TSHR: variants seen among roughly 807,000 people sequenced by gnomAD.
TSHR encodes the protein thyroid stimulating hormone receptor.
In TSHR, 51 loss-of-function variants were observed where a neutral mutation model predicts 64.1. The ratio of observed to expected loss-of-function variants is 0.80; its 90% CI spans 0.64 to 1.01. The LOEUF (loss-of-function observed/expected upper bound fraction) is 1.01. TSHR is among the 50% of genes least tolerant of loss of function. The pLI is 0.00. For synonymous variants in TSHR, 361 were observed against 361.9 expected, an observed-to-expected ratio of 1.00 and a Z score of 0.03; for missense variants, 877 against 942.8, an observed-to-expected ratio of 0.93 and a Z score of 0.91.
chr14:81,031,412 T>C (rs1420333537), intron 1 of TSHR, among the ~76,000 whole-genome samples: 1 of 139,662 alleles, frequency 7.2e-6, no homozygotes, highest in Non-Finnish European at 1.6e-5. Context: ...ATTTGAGGCA[T>C]GGTAAAAAAA....
At chr14:81,102,838 T>G (rs1889672470) in intron 7 of TSHR, 1 of 985,226 alleles carries the variant, frequency 1.0e-6, no homozygotes. Flanking sequence ...TGGTAAAGGT[T>G]AAAGGGCAAG....
chr14:81,079,884 A>C (rs1356858203), intron 3 of TSHR, among the ~76,000 whole-genome samples: 3 of 151,870 alleles, frequency 2.0e-5, no homozygotes, highest in Non-Finnish European at 1.5e-5. Context: ...AAAGCAAAGA[A>C]AAAGAAGTGC....
chr14:80,981,564 A>G (rs1032541450), intron 1 of TSHR, among the ~76,000 whole-genome samples: 14 of 152,112 alleles, frequency 9.2e-5, no homozygotes, highest in African/African-American at 3.4e-4. Context: ...GACCCTTGCT[A>G]TGTGAGCAGG....
At chr14:81,033,004 G>A (rs1467361289) in intron 1 of TSHR, 2 of 360,908 alleles carry the variant, frequency 5.5e-6, no homozygotes, top group Non-Finnish European at 1.1e-5. Context: ...GCTGTGTGGG[G>A]CAGATTTACT....
chr14:80,956,459 A>G (rs1256060816), intron 1 of TSHR, among the ~76,000 whole-genome samples: 1 of 152,260 alleles, frequency 6.6e-6, no homozygotes, highest in Non-Finnish European at 1.5e-5. Context: ...ATGAAATTTC[A>G]TAAAAGTATA....
intron 1 of TSHR, among the ~76,000 whole-genome samples, chr14:81,002,781 C>CTTT (rs1174635270): frequency 6.8e-5 from 3 of 44,320 alleles, no homozygotes; most frequent in Non-Finnish European, 1.2e-4. Context: ...CCTAATGCCT[C>CTTT]TTTTTTTTTT....
intron 7 of TSHR, chr14:81,102,723 G>A (rs1889664107): frequency 1.1e-6 from 1 of 884,588 alleles, no homozygotes; most frequent in Non-Finnish European, 1.4e-6. Context: ...ACAAGGGCAA[G>A]GTAGGATTTG....
chr14:81,008,049 A>G (rs1452461683), intron 1 of TSHR, among the ~76,000 whole-genome samples: 5 of 152,168 alleles, frequency 3.3e-5, no homozygotes, highest in Admixed American at 2.6e-4. Context: ...GAGTAGGGGT[A>G]TGTCTATTCT....
chr14:81,087,291 TGA>T (rs1362551534), intron 3 of TSHR, among the ~76,000 whole-genome samples: 1 of 152,228 alleles, frequency 6.6e-6, no homozygotes, highest in Non-Finnish European at 1.5e-5. Context: ...ATTTAACCAG[TGA>T]GAGTTCATTT....
chr14:80,989,135 C>G (rs1297973782), intron 1 of TSHR, among the ~76,000 whole-genome samples: 1 of 152,168 alleles, frequency 6.6e-6, no homozygotes, highest in Non-Finnish European at 1.5e-5. Flanking sequence ...ATCATTGACT[C>G]TTCCTCTGCC....
intron 2 of TSHR, 47 bp downstream of exon 2, chr14:81,062,266 T>G (rs1404729135): frequency 1.4e-6 from 2 of 1,423,980 alleles, no homozygotes; most frequent in South Asian, 2.3e-5. Context: ...TGATATGTTA[T>G]TCTCTAAACG....
intron 1 of TSHR, among the ~76,000 whole-genome samples, chr14:81,009,773 T>C (rs1889809310): frequency 6.6e-6 from 1 of 152,106 alleles, no homozygotes; most frequent in Admixed American, 6.6e-5. Context: ...TGTTTATCCA[T>C]TTCCCCTATG....
Position 80,955,805 on chromosome 14 carries a change from A to G in TSHR, c.125A>G (p.Lys42Arg). 6.2e-7 allele frequency: 1 copy of G among 1,614,208 alleles called. No individual in the cohort carries two copies. Among genetic ancestry groups the G allele is most frequent in the Non-Finnish European group, 8.5e-7 (1 of 1,180,042 alleles). ...GAGGAGGACTTCAGAGTCACCTGCAAGGATATTCAACGCATCCCCAGCTTA... is the reference window on the plus strand; with the variant it reads ...GAGGAGGACTTCAGAGTCACCTGCAGGGATATTCAACGCATCCCCAGCTTA... ...HQEEDFRVTC[K>R]DIQRIPSLPP... Residue 42 changes from lysine to arginine, a missense_variant, in exon 1 of 10, where the codon AAG becomes AGG. Transcript: ENST00000298171.
At chr14:81,057,542 A>C (rs10134487) in intron 1 of TSHR, among the ~76,000 whole-genome samples, 65,364 of 152,146 alleles carry the variant, frequency 0.43, 18,528 homozygotes, top group African/African-American at 0.82. Context: ...TATAAAAAAT[A>C]TGGATTATTT....
intron 3 of TSHR, among the ~76,000 whole-genome samples, chr14:81,077,046 C>G (rs558760587): frequency 6.6e-6 from 1 of 151,948 alleles, no homozygotes; most frequent in African/African-American, 2.4e-5. Flanking sequence ...TCTCTCTTTG[C>G]CTAGTTAACT....
Position 80,955,833 on chromosome 14 carries a change from G to A in TSHR, c.153G>A (p.Pro51=), listed in dbSNP as rs777358636. ...ATATTCAACGCATCCCCAGCTTACC[G>A]CCCAGTACGCAGACTCTGTGAGTAC... ...CKDIQRIPSL[P]PSTQTLKLIE... is the part of the protein sequence containing the mutation. The change falls in exon 1 of 10, where the codon CCG becomes CCA. Residue 51 remains proline (P), a synonymous_variant. Transcript: ENST00000298171. The A allele has an allele frequency of 5.0e-6, 8 of 1,614,184 alleles. No individual in the cohort carries two copies. The South Asian group carries it at 8.8e-5, about 18-fold the overall frequency.
intron 3 of TSHR, among the ~76,000 whole-genome samples, chr14:81,071,217 T>A (rs1887044826): frequency 6.6e-6 from 1 of 152,190 alleles, no homozygotes; most frequent in South Asian, 2.1e-4. Context: ...AAACTAATAT[T>A]TCACATACTG....
At chr14:81,080,254 T>A (rs1887805703) in intron 3 of TSHR, among the ~76,000 whole-genome samples, 1 of 152,116 alleles carries the variant, frequency 6.6e-6, no homozygotes, top group Non-Finnish European at 1.5e-5. Flanking sequence ...ACCTGGCCTA[T>A]GTGAGTTTTT....
intron 1 of TSHR, among the ~76,000 whole-genome samples, chr14:80,957,214 C>G (rs1886741226): frequency 6.6e-6 from 1 of 152,174 alleles, no homozygotes; most frequent in African/African-American, 2.4e-5. Context: ...ACTCCCAGAT[C>G]CAGATCCTGG....
Sources: gnomAD v4.1 joint callset for allele counts (sites outside exome capture counted in the v4.1 genomes callset) on GRCh38, gnomAD v4.1.1 for gene constraint, MANE v1.5 for transcripts, NCBI Gene and HGNC (gene_info 2026-07-23, HGNC 2026-07-21) for gene names.